The following DLC1 variants were observed in gnomAD, a reference collection of about 807,000 sequenced individuals.
DLC1 encodes the protein DLC1 Rho GTPase activating protein.
Under a neutral mutation model 140.3 loss-of-function variants are expected in DLC1, and 54 were observed. The ratio of observed to expected loss-of-function variants is 0.38; its 90% CI spans 0.31 to 0.48. The LOEUF is 0.48. Among genes scored for constraint, DLC1 ranks in the 20% least tolerant of loss-of-function variants. The pLI, the probability that DLC1 is intolerant of heterozygous loss-of-function variation, is 0.96. For missense variants in DLC1, 2,536 were observed against 1,907.0 expected, an observed-to-expected ratio of 1.33 and a Z score of -6.14; for synonymous variants, 986 against 728.1, an observed-to-expected ratio of 1.35 and a Z score of -5.70.
chr8:13,487,138 T>A (rs1000372313), intron 2 of DLC1, among the ~76,000 whole-genome samples: 4 of 152,194 alleles, frequency 2.6e-5, no homozygotes, highest in African/African-American at 9.7e-5. Context: ...AGTGACCGCT[T>A]GGTTCTTTTG....
At position 13,295,942 on chromosome 8, in the gene DLC1, G is replaced by GTTTT. The variant is rs71207138; in HGVS notation, c.1348+9323_1348+9326dup. Among the ~76,000 whole-genome samples the GTTTT allele has an allele frequency of 1.1e-3, 78 of 72,890 alleles. 16 individuals are homozygous for GTTTT. The highest frequency in any genetic ancestry group is 2.8e-3 in the East Asian group (5 of 1,768). The allele number at this position is 72,890 out of a possible 152,430, so 47.8% of individuals were successfully genotyped here. A position where few individuals can be genotyped will look rare whatever the true frequency, so the allele number is the denominator to read the frequency against. On this transcript the variant is annotated intron_variant, in intron 5 of 17. Coordinates refer to ENST00000276297, the MANE Select transcript of DLC1 (RefSeq NM_182643.3). ...AAGAGATGATCAGATAAGATTCTTT[G>GTTTT]TTTTTTTTTTTTTTTTTTTTTTTTT... is the stretch of plus-strand genomic sequence containing the variant.
intron 2 of DLC1, among the ~76,000 whole-genome samples, chr8:13,479,962 A>G (rs1800643497): frequency 6.6e-6 from 1 of 151,952 alleles, no homozygotes; most frequent in Non-Finnish European, 1.5e-5. Context: ...GACACTTCAG[A>G]GGCTGACGCA....
upstream of DLC1, chr8:13,515,337 A>C (rs1802550200): frequency 6.6e-6 from 1 of 152,232 alleles, no homozygotes; most frequent in African/African-American, 2.4e-5. Context: ...CCCTGAGACC[A>C]TCTGTAAGTA....
At position 13,421,267 on chromosome 8, in the gene DLC1, C is replaced by T. The variant is rs58065026; in HGVS notation, c.1024-19648G>A. On this transcript the variant is annotated intron_variant, in intron 2 of 17. Transcript: ENST00000276297. Reference sequence around the variant, plus strand: ...TTAAGCTTTTCTGCATATATTATCTCCTCAAGCAGTTTTTAAAGTCTACCT... The same window carrying T: ...TTAAGCTTTTCTGCATATATTATCTTCTCAAGCAGTTTTTAAAGTCTACCT... Among the ~76,000 whole-genome samples, 673 of 152,208 alleles carry T rather than the reference C, an allele frequency of 4.4e-3. 3 individuals carry two copies. Among genetic ancestry groups the T allele is most frequent in the African/African-American group, 0.016 (659 of 41,536 alleles).
intron 5 of DLC1, among the ~76,000 whole-genome samples, chr8:13,213,931 C>T (rs1307608205): frequency 6.6e-6 from 1 of 151,948 alleles, no homozygotes; most frequent in East Asian, 1.9e-4. Context: ...TTACAGGCGA[C>T]TCCCACCATG....
At chr8:13,257,103 G>T (rs1321439307) in intron 5 of DLC1, among the ~76,000 whole-genome samples, 5 of 151,950 alleles carry the variant, frequency 3.3e-5, no homozygotes, top group South Asian at 4.2e-4. Flanking sequence ...AACTTCTGTA[G>T]CACTGCAATC....
chr8:13,175,288 A>T (rs1290733080), intron 5 of DLC1, among the ~76,000 whole-genome samples: 1 of 144,218 alleles, frequency 6.9e-6, no homozygotes, highest in Middle Eastern at 3.3e-3. Flanking sequence ...AAGTTGGGTA[A>T]TGTGATGCCT....
chr8:13,486,750 A>G (rs1408643928), intron 2 of DLC1, among the ~76,000 whole-genome samples: 1 of 152,034 alleles, frequency 6.6e-6, no homozygotes, highest in East Asian at 1.9e-4. Flanking sequence ...CTGAGCAATT[A>G]CTTGCTTGTT....
intron 5 of DLC1, among the ~76,000 whole-genome samples, chr8:13,170,654 C>T (rs1024190984): frequency 2.1e-5 from 3 of 144,942 alleles, no homozygotes; most frequent in Non-Finnish European, 3.0e-5. Flanking sequence ...GGCGTGAACC[C>T]GGGAGGCGGA....
At chr8:13,485,458 G>A (rs1800929386) in intron 2 of DLC1, among the ~76,000 whole-genome samples, 4 of 152,156 alleles carry the variant, frequency 2.6e-5, no homozygotes, top group Admixed American at 2.6e-4. Context: ...ACATTTTGCT[G>A]TGACATTCTG....
At chr8:13,181,758 C>T (rs1410434475) in intron 5 of DLC1, among the ~76,000 whole-genome samples, 1 of 152,010 alleles carries the variant, frequency 6.6e-6, no homozygotes, top group Non-Finnish European at 1.5e-5. Flanking sequence ...TGGGTTGGTT[C>T]CAAGTCTTTG....
At chr8:13,176,239 A>C (rs911188045) in intron 5 of DLC1, among the ~76,000 whole-genome samples, 1 of 152,184 alleles carries the variant, frequency 6.6e-6, no homozygotes, top group African/African-American at 2.4e-5. Context: ...AAATGAAATA[A>C]GTGATTTAAA....
At chr8:13,390,386 G>T (rs567178028) in intron 4 of DLC1, among the ~76,000 whole-genome samples, 1 of 152,092 alleles carries the variant, frequency 6.6e-6, no homozygotes, top group South Asian at 2.1e-4. Context: ...ATTCGGGTTG[G>T]TTCCATGTCT....
At position 13,490,861 on chromosome 8, in the gene DLC1, G is replaced by C. The variant is rs73665126; in HGVS notation, c.1023+8188C>G. On this transcript the variant is annotated intron_variant, in intron 2 of 17. Coordinates refer to ENST00000276297, the MANE Select transcript of DLC1 (RefSeq NM_182643.3). ...ACAGCTGATGTAAATGTGCGATTTT[G>C]GTTCAAATCACTGATTAGATCAGAG... Among the ~76,000 whole-genome samples the C allele has an allele frequency of 3.1e-3, 468 of 151,698 alleles. 1 individual carries two copies. Among genetic ancestry groups the C allele is most frequent in the African/African-American group, 0.011 (462 of 41,414 alleles).
rs1398594338 is a variant in DLC1 at position 13,393,621 on chromosome 8, C to G, written c.1246G>C (p.Asp416His). 4 of 1,614,010 alleles carry G rather than the reference C, an allele frequency of 2.5e-6. No homozygotes were observed. In the African/African-American group the frequency reaches 4.0e-5, roughly 16 times the overall value. The change falls in exon 4 of 18, where the codon GAC (aspartate) becomes CAC (histidine). Residue 416 changes from aspartate (D) to histidine (H), a missense_variant. Coordinates refer to ENST00000276297, the MANE Select transcript of DLC1 (RefSeq NM_182643.3). ...GATGGGAGGTCCGTGGACTCAGTGT[C>G]AGAAGACAAATTTACTCGTGTCTGA... is the stretch of plus-strand genomic sequence containing the variant. ...VNQTRVNLSS[D>H]TESTDLPSST...
intron 5 of DLC1, among the ~76,000 whole-genome samples, chr8:13,188,780 T>A (rs1170331951): frequency 1.0e-5 from 1 of 96,682 alleles, no homozygotes; most frequent in Non-Finnish European, 2.1e-5. Flanking sequence ...CCAGCTAATG[T>A]GTGTGTGTGT....
chr8:13,300,858 C>A (rs919388512), intron 5 of DLC1, among the ~76,000 whole-genome samples: 1 of 152,182 alleles, frequency 6.6e-6, no homozygotes, highest in African/African-American at 2.4e-5. Context: ...GGTGACAGTG[C>A]AGATAATAGA....
chr8:13,558,795 C>T (rs139362833), intron 1 of DLC1: 1 of 152,268 alleles, frequency 6.6e-6, no homozygotes, highest in East Asian at 1.9e-4. Context: ...TCTTCTCAAT[C>T]TCTGTTCTTA....
At chr8:13,172,277 G>T (rs1316197212) in intron 5 of DLC1, among the ~76,000 whole-genome samples, 1 of 152,156 alleles carries the variant, frequency 6.6e-6, no homozygotes, top group South Asian at 2.1e-4. Flanking sequence ...CCCTGATAGG[G>T]TGTGGCCAGC....
Sources: allele counts gnomAD v4.1 joint callset (sites outside exome capture counted in the v4.1 genomes callset), GRCh38; gene constraint gnomAD v4.1.1; transcripts MANE v1.5; gene names NCBI Gene and HGNC (gene_info 2026-07-23, HGNC 2026-07-21).